The following MAU2 variants were observed in gnomAD, a reference collection of about 807,000 sequenced individuals.
The protein encoded by MAU2 is MAU2 sister chromatid cohesion factor.
Under a neutral mutation model 89.1 loss-of-function variants are expected in MAU2, and 9 were observed. That is an observed-to-expected ratio of 0.10 (90% CI 0.06 to 0.18). MAU2 has a LOEUF of 0.18. Ranked by LOEUF, MAU2 falls within the 10% of genes least tolerant of loss-of-function variation. The probability of loss-of-function intolerance (pLI) is 1.00; values close to 1 mark genes in which losing one functional copy is unlikely to be tolerated. For synonymous variants in MAU2, 357 were observed against 343.4 expected (o/e 1.04, Z -0.44); for missense variants, 425 against 803.5 (o/e 0.53, Z 5.69).
At chr19:19,323,810 A>G (rs2061483954) in intron 1 of MAU2, among the ~76,000 whole-genome samples, 1 of 152,196 alleles carries the variant, frequency 6.6e-6, no homozygotes, top group Non-Finnish European at 1.5e-5. Flanking sequence ...TCCTCACTTG[A>G]TCAACTGCCT....
chr19:19,332,681 TCCTC>T lies in MAU2; in HGVS notation c.277-3036_277-3033del, dbSNP rs1198406951. On this transcript the variant is annotated intron_variant, in intron 1 of 18. Coordinates refer to ENST00000262815, the MANE Select transcript of MAU2 (RefSeq NM_015329.4). ...CCAGTGCTCACTGAGAGCCTCCCCT[TCCTC>T]AGGGGAGATGGGATCCTCTCTGTCT... Among the ~76,000 whole-genome samples, 12 of 152,122 alleles carry T rather than the reference TCCTC, an allele frequency of 7.9e-5. No homozygotes were observed. In the East Asian group the frequency reaches 2.1e-3, roughly 27 times the overall value.
At position 19,320,907 on chromosome 19, in the gene MAU2, T is replaced by C. The variant is rs777075947; in HGVS notation, c.48T>C (p.Ala16=). 1 of 1,547,778 alleles carries C rather than the reference T, an allele frequency of 6.5e-7. No individual in the cohort carries two copies. Among genetic ancestry groups the C allele is most frequent in the African/African-American group, 1.4e-5 (1 of 71,466 alleles). ...CGGCCCAGGCGGCGGCGGCCCAGGC[T>C]GCGCAGGCCGAGGCGGCCGACTCGT... ...AAAAQAAAAQ[A]AQAEAADSWY... Residue 16 remains alanine (A), a synonymous_variant, in exon 1 of 19, where the codon GCT becomes GCC. Transcript: ENST00000262815.
intron 1 of MAU2, among the ~76,000 whole-genome samples, chr19:19,326,903 A>G (rs1005807296): frequency 1.3e-5 from 2 of 150,498 alleles, no homozygotes; most frequent in Non-Finnish European, 3.0e-5. Flanking sequence ...AAACTTTAAA[A>G]AAAGAATCCC....
chr19:19,332,523 A>G (rs1328984549), intron 1 of MAU2, among the ~76,000 whole-genome samples: 1 of 151,924 alleles, frequency 6.6e-6, no homozygotes, highest in Non-Finnish European at 1.5e-5. Context: ...TCGCTAACTC[A>G]CAGTGGATCC....
At chr19:19,355,544 C>A in intron 18 of MAU2, 153 bp downstream of exon 18, 2 of 1,270,966 alleles carry the variant, frequency 1.6e-6, no homozygotes, top group Non-Finnish European at 2.2e-6. Flanking sequence ...ATGGGCACCC[C>A]CACCCAAGCA....
chr19:19,329,170 CT>C, intron 1 of MAU2: 1 of 454,334 alleles, frequency 2.2e-6, no homozygotes, highest in East Asian at 6.9e-5. Context: ...GTAAGCAGTT[CT>C]TTCATTCTTC....
In MAU2 at chr19:19,320,887, C is replaced by T; in HGVS notation, c.28C>T (p.Gln10Ter). 1 of 1,483,480 alleles carries T rather than the reference C, an allele frequency of 6.7e-7. No homozygotes were observed. Among genetic ancestry groups the T allele is most frequent in the Non-Finnish European group, 9.1e-7 (1 of 1,100,052 alleles). The allele number at this position is 1,483,480 out of a possible 1,614,324, so 91.9% of individuals were successfully genotyped here. A position where few individuals can be genotyped will look rare whatever the true frequency, so the allele number is the denominator to read the frequency against. The change falls in exon 1 of 19, where the codon CAG (glutamine) becomes TAG (stop). Residue 10 changes from glutamine (Q) to a stop codon, truncating the protein, a stop_gained. Transcript: ENST00000262815. LOFTEE classifies it high-confidence loss of function. MAAQAAAAA[Q>*]AAAAQAAQAE... ...GGCGGCTCAGGCGGCGGCAGCGGCC[C>T]AGGCGGCGGCGGCCCAGGCTGCGCA...
intron 1 of MAU2, among the ~76,000 whole-genome samples, chr19:19,333,522 G>T (rs2061573337): frequency 6.6e-6 from 1 of 152,218 alleles, no homozygotes; most frequent in Non-Finnish European, 1.5e-5. Context: ...AGGAGACATT[G>T]TTGGACCCAC....
At chr19:19,342,733 GGA>G in intron 8 of MAU2, 41 bp from the exon 9 acceptor site, 1 of 1,613,848 alleles carries the variant, frequency 6.2e-7, no homozygotes, top group Non-Finnish European at 8.5e-7. Flanking sequence ...GCAGGGAGAG[GGA>G]GAGGGCCCTG....
Position 19,320,887 on chromosome 19 carries a change from C to G in MAU2, c.28C>G (p.Gln10Glu). The change falls in exon 1 of 19, where the codon CAG (glutamine) becomes GAG (glutamate). Residue 10 changes from glutamine (Q) to glutamate (E), a missense_variant. Gln to Glu is a conservative substitution (Grantham distance 29). Coordinates refer to ENST00000262815, the MANE Select transcript of MAU2 (RefSeq NM_015329.4). ...GGCGGCTCAGGCGGCGGCAGCGGCC[C>G]AGGCGGCGGCGGCCCAGGCTGCGCA... MAAQAAAAA[Q>E]AAAAQAAQAE... 1 of 1,483,480 alleles carries G rather than the reference C, an allele frequency of 6.7e-7. No individual in the cohort carries two copies. Among genetic ancestry groups the G allele is most frequent in the Non-Finnish European group, 9.1e-7 (1 of 1,100,052 alleles). 91.9% of individuals were successfully genotyped at this position (1,483,480 alleles called of 1,614,324 possible).
Position 19,355,150 on chromosome 19 carries a change from C to T in MAU2, c.1640-114C>T, listed in dbSNP as rs900744700. The T allele has an allele frequency of 1.3e-5, 18 of 1,373,616 alleles. No individual in the cohort carries two copies. In the East Asian group the frequency reaches 3.9e-4, roughly 30 times the overall value. 85.1% of individuals were successfully genotyped at this position (1,373,616 alleles called of 1,614,324 possible). A position where few individuals can be genotyped will look rare whatever the true frequency, so the allele number is the denominator to read the frequency against. On this transcript the variant is annotated intron_variant, in intron 17 of 18. Coordinates refer to ENST00000262815, the MANE Select transcript of MAU2 (RefSeq NM_015329.4). Reference sequence around the variant, plus strand: ...CAGGTCCAGTGACGTGCCAGGCACCCAGAGATCCACCAGTGCAGCTGGGAC... The same window carrying T: ...CAGGTCCAGTGACGTGCCAGGCACCTAGAGATCCACCAGTGCAGCTGGGAC...
intron 9 of MAU2, 27 bp from the exon 10 acceptor site, chr19:19,343,810 A>C: frequency 6.3e-7 from 1 of 1,581,242 alleles, no homozygotes. Context: ...CCTCCCCTGC[A>C]TGCTTACCCC....
intron 5 of MAU2, among the ~76,000 whole-genome samples, chr19:19,340,096 C>T (rs1352855604): frequency 2.7e-5 from 4 of 148,264 alleles, no homozygotes; most frequent in African/African-American, 5.0e-5. Context: ...ACCCAGGACG[C>T]GGAGGTTGCA....
At chr19:19,339,881 A>G (rs1384981302) in intron 5 of MAU2, among the ~76,000 whole-genome samples, 3 of 151,942 alleles carry the variant, frequency 2.0e-5, no homozygotes, top group Admixed American at 2.0e-4. Context: ...AAAATTAGCC[A>G]GGCATGGCCG....
chr19:19,344,646 G>A (rs2061679544), intron 10 of MAU2: 3 of 602,054 alleles, frequency 5.0e-6, no homozygotes, highest in Admixed American at 2.8e-5. Context: ...TGGAAGAGAC[G>A]AGTAACAGAC....
At chr19:19,322,453 G>T (rs2061468703) in intron 1 of MAU2, among the ~76,000 whole-genome samples, 1 of 152,158 alleles carries the variant, frequency 6.6e-6, no homozygotes, top group Non-Finnish European at 1.5e-5. Flanking sequence ...ACAAAAACTA[G>T]CTGGGCGTAC....
chr19:19,325,492 T>G (rs559520069), intron 1 of MAU2, among the ~76,000 whole-genome samples: 69 of 151,656 alleles, frequency 4.5e-4, no homozygotes, highest in African/African-American at 1.6e-3. Context: ...ATTTTTCATT[T>G]TTTTGAGAAG....
intron 12 of MAU2, among the ~76,000 whole-genome samples, chr19:19,346,624 G>A (rs1276751984): frequency 6.6e-6 from 1 of 152,122 alleles, no homozygotes; most frequent in East Asian, 1.9e-4. Flanking sequence ...GGTGGGGTCT[G>A]TGCTTCCTGG....
At chr19:19,321,237 C>A in intron 1 of MAU2, 102 bp downstream of exon 1, 1 of 1,321,126 alleles carries the variant, frequency 7.6e-7, no homozygotes, top group Non-Finnish European at 9.8e-7. Flanking sequence ...CCTCGGCGAC[C>A]TGGGGGCGCG....
Sources: allele counts gnomAD v4.1 joint callset (sites outside exome capture counted in the v4.1 genomes callset), GRCh38; gene constraint gnomAD v4.1.1; transcripts MANE v1.5; gene names NCBI Gene and HGNC (gene_info 2026-07-23, HGNC 2026-07-21).